The following FRAS1 variants were observed in gnomAD, a reference collection of about 807,000 sequenced individuals.
FRAS1 encodes extracellular matrix organizing protein FRAS1.
FRAS1 carries 290 observed loss-of-function variants against 435.2 expected under a neutral mutation model. The ratio of observed to expected loss-of-function variants is 0.67; its 90% CI spans 0.61 to 0.73. FRAS1 has a LOEUF of 0.73. Among genes scored for constraint, FRAS1 ranks in the 30% least tolerant of loss-of-function variants. The pLI, the probability that FRAS1 is intolerant of heterozygous loss-of-function variation, is 0.00. For missense variants in FRAS1, 4,860 were observed against 5,001.5 expected (o/e 0.97, Z 0.85); for synonymous variants, 1,800 against 1,851.0 (o/e 0.97, Z 0.71).
At chr4:78,204,132 T>A (rs1470350052) in intron 2 of FRAS1, among the ~76,000 whole-genome samples, 3 of 152,218 alleles carry the variant, frequency 2.0e-5, no homozygotes, top group Non-Finnish European at 2.9e-5. Context: ...AATAAGGTTC[T>A]TTAAGTAGAA....
At chr4:78,440,197 A>AT (rs551089376) in intron 40 of FRAS1, among the ~76,000 whole-genome samples, 82 of 150,336 alleles carry the variant, frequency 5.5e-4, no homozygotes, top group Non-Finnish European at 1.1e-3. Context: ...CGCCCGGCTA[A>AT]TTTTTTTTGT....
chr4:78,298,431 A>G (rs974709754), intron 14 of FRAS1, among the ~76,000 whole-genome samples: 1 of 152,106 alleles, frequency 6.6e-6, no homozygotes, highest in African/African-American at 2.4e-5. Context: ...CAGTGGAAGT[A>G]TATCATTATA....
intron 2 of FRAS1, among the ~76,000 whole-genome samples, chr4:78,145,214 C>G (rs1055270751): frequency 5.9e-5 from 9 of 152,094 alleles, no homozygotes; most frequent in Non-Finnish European, 8.8e-5. Flanking sequence ...CAACAGGGTA[C>G]TAATCAGGGC....
intron 34 of FRAS1, among the ~76,000 whole-genome samples, chr4:78,422,583 G>A (rs114377868): frequency 0.012 from 1,136 of 98,638 alleles, 15 homozygotes; most frequent in African/African-American, 0.038. Flanking sequence ...GGGAAGGAGA[G>A]AATGTGTCCT....
At chr4:78,099,419 G>A (rs1386921815) in intron 2 of FRAS1, among the ~76,000 whole-genome samples, 1 of 152,138 alleles carries the variant, frequency 6.6e-6, no homozygotes, top group African/African-American at 2.4e-5. Context: ...GCATATTCCA[G>A]TCCTCCCCTC....
chr4:78,276,579 A>T (rs1727052237), intron 9 of FRAS1, among the ~76,000 whole-genome samples: 1 of 152,070 alleles, frequency 6.6e-6, no homozygotes, highest in African/African-American at 2.4e-5. Context: ...CTGGACATCC[A>T]CTCTAGACCC....
At position 78,140,684 on chromosome 4, in the gene FRAS1, C is replaced by CAT. The variant is rs1353913576; in HGVS notation, c.108+74672_108+74673dup. Among the ~76,000 whole-genome samples, 28 of 138,234 alleles carry CAT rather than the reference C, an allele frequency of 2.0e-4. 1 individual carries two copies. Among genetic ancestry groups the CAT allele is most frequent in the Admixed American group, 1.9e-3 (28 of 14,476 alleles). The allele number at this position is 138,234 out of a possible 152,430, so 90.7% of individuals were successfully genotyped here. A position where few individuals can be genotyped will look rare whatever the true frequency, so the allele number is the denominator to read the frequency against. On this transcript the variant is annotated intron_variant, in intron 2 of 73. Transcript: ENST00000512123. ...ATATACATATGTGTATATGTATATG[C>CAT]ATATACATATGTGTATATGCATATA... is the stretch of plus-strand genomic sequence containing the variant.
At chr4:78,453,120 G>A (rs533620259) in intron 47 of FRAS1, among the ~76,000 whole-genome samples, 42 of 152,198 alleles carry the variant, frequency 2.8e-4, no homozygotes, top group African/African-American at 1.4e-4. Context: ...GAGAGTTTGT[G>A]GAGGATCTTC....
At chr4:78,539,472 AC>A in intron 73 of FRAS1, 32 bp downstream of exon 73, 1 of 1,520,830 alleles carries the variant, frequency 6.6e-7, no homozygotes, top group Non-Finnish European at 8.8e-7. Context: ...GAAGCTTAAG[AC>A]CAAGTCTACT....
At chr4:78,305,818 T>C (rs868545115) in intron 14 of FRAS1, among the ~76,000 whole-genome samples, 7 of 151,920 alleles carry the variant, frequency 4.6e-5, no homozygotes, top group East Asian at 1.9e-4. Context: ...CTTTATCCAA[T>C]TTGCCAGTCT....
At chr4:78,283,148 A>G (rs1408799908) in intron 12 of FRAS1, among the ~76,000 whole-genome samples, 181 bp downstream of exon 12, 1 of 152,192 alleles carries the variant, frequency 6.6e-6, no homozygotes, top group African/African-American at 2.4e-5. Context: ...GTAATTGCCA[A>G]ACTCAACAGA....
At chr4:78,309,661 AT>A (rs66913216) in intron 15 of FRAS1, among the ~76,000 whole-genome samples, 4 of 151,118 alleles carry the variant, frequency 2.6e-5, no homozygotes, top group African/African-American at 7.3e-5. Context: ...ACCTCTGCCT[AT>A]TTTTTTTTAT....
chr4:78,412,359 A>G (rs1274163581), intron 31 of FRAS1, among the ~76,000 whole-genome samples: 3 of 152,230 alleles, frequency 2.0e-5, no homozygotes, highest in Non-Finnish European at 4.4e-5. Flanking sequence ...GAGAAGCTGC[A>G]TAGAAAAAGC....
chr4:78,359,231 G>A (rs76288054), intron 20 of FRAS1, among the ~76,000 whole-genome samples: 3,672 of 152,070 alleles, frequency 0.024, 165 homozygotes, highest in African/African-American at 0.083. Flanking sequence ...CTGTGGGGTC[G>A]GCTACTCGTA....
intron 30 of FRAS1, among the ~76,000 whole-genome samples, chr4:78,401,589 A>G (rs964046286): frequency 1.1e-4 from 16 of 152,130 alleles, no homozygotes; most frequent in Non-Finnish European, 2.2e-4. Context: ...GAGACAGAGC[A>G]TTGGAATTAA....
intron 47 of FRAS1, among the ~76,000 whole-genome samples, chr4:78,463,308 A>G (rs1315197165): frequency 6.6e-6 from 1 of 152,076 alleles, no homozygotes; most frequent in Non-Finnish European, 1.5e-5. Flanking sequence ...AATGAAATAA[A>G]TAGAGAAAAA....
At chr4:78,283,580 GGAGAA>G (rs1406773981) in intron 12 of FRAS1, among the ~76,000 whole-genome samples, 1 of 152,168 alleles carries the variant, frequency 6.6e-6, no homozygotes, top group Non-Finnish European at 1.5e-5. Context: ...AGTCTCTCTT[GGAGAA>G]GTGGCATTTT....
At chr4:78,388,588 A>G (rs903170501) in intron 29 of FRAS1, among the ~76,000 whole-genome samples, 12 of 151,826 alleles carry the variant, frequency 7.9e-5, no homozygotes, top group Middle Eastern at 3.5e-3. Context: ...ACTTGAGCTC[A>G]GGAGTTTGAG....
At chr4:78,313,008 G>A (rs1000322005) in intron 15 of FRAS1, among the ~76,000 whole-genome samples, 1 of 152,002 alleles carries the variant, frequency 6.6e-6, no homozygotes, top group African/African-American at 2.4e-5. Context: ...TTTCCCTCTG[G>A]GTGTAACTTT....
Sources: gnomAD v4.1 joint callset for allele counts (sites outside exome capture counted in the v4.1 genomes callset) on GRCh38, gnomAD v4.1.1 for gene constraint, MANE v1.5 for transcripts, NCBI Gene and HGNC (gene_info 2026-07-23, HGNC 2026-07-21) for gene names.